The following DOK6 variants were observed in gnomAD, a reference collection of about 807,000 sequenced individuals.
The protein encoded by DOK6 is downstream of tyrosine kinase 6.
In DOK6, 22 loss-of-function variants were observed where a neutral mutation model predicts 44.0. The ratio of observed to expected loss-of-function variants is 0.50; its 90% CI spans 0.36 to 0.71. DOK6 has a LOEUF of 0.71. Ranked by LOEUF, DOK6 falls within the 30% of genes least tolerant of loss-of-function variation. The pLI is 0.00. For missense variants in DOK6, 340 were observed against 416.4 expected, an observed-to-expected ratio of 0.82 and a Z score of 1.60; for synonymous variants, 166 against 145.5, an observed-to-expected ratio of 1.14 and a Z score of -1.01.
chr18:69,594,622 C>A (rs766632227), intron 2 of DOK6, among the ~76,000 whole-genome samples: 1 of 150,398 alleles, frequency 6.6e-6, no homozygotes, highest in Non-Finnish European at 1.5e-5. Flanking sequence ...AAATAAAAGG[C>A]ATCCAGATTG....
chr18:69,480,534 T>G (rs1480573217), intron 1 of DOK6, among the ~76,000 whole-genome samples: 1 of 152,208 alleles, frequency 6.6e-6, no homozygotes, highest in Non-Finnish European at 1.5e-5. Context: ...TAGTCTCTTC[T>G]GTAATTAATA....
intron 1 of DOK6, among the ~76,000 whole-genome samples, chr18:69,484,250 G>C (rs975504915): frequency 1.3e-5 from 2 of 150,714 alleles, no homozygotes; most frequent in African/African-American, 2.5e-5. Context: ...TATGTAATAC[G>C]TATATGTCTT....
intron 1 of DOK6, chr18:69,532,881 A>C (rs545229793): frequency 2.0e-5 from 3 of 152,306 alleles, no homozygotes; most frequent in African/African-American, 7.2e-5. Flanking sequence ...AAAGATATTT[A>C]TGGAAATAAA....
At chr18:69,487,378 T>A (rs1980613042) in intron 1 of DOK6, among the ~76,000 whole-genome samples, 1 of 152,056 alleles carries the variant, frequency 6.6e-6, no homozygotes, top group African/African-American at 2.4e-5. Flanking sequence ...ATTTCTAGAT[T>A]TGAGGAGGTC....
intron 1 of DOK6, among the ~76,000 whole-genome samples, chr18:69,496,364 G>A (rs944114009): frequency 6.6e-6 from 1 of 152,254 alleles, no homozygotes; most frequent in Non-Finnish European, 1.5e-5. Context: ...CGGAAGGGGC[G>A]GGGCTCCCAC....
chr18:69,612,399 T>TTGTGTGCCAGGGCGCA (rs1984164835), intron 3 of DOK6, among the ~76,000 whole-genome samples: 1 of 62,414 alleles, frequency 1.6e-5, no homozygotes, highest in South Asian at 5.6e-4. Flanking sequence ...CGAAGAGACT[T>TTGTGTGCCAGGGCGCA]TGTGTGCGAG....
intron 5 of DOK6, among the ~76,000 whole-genome samples, chr18:69,703,206 T>C (rs1027391985): frequency 2.6e-5 from 4 of 152,232 alleles, no homozygotes; most frequent in Non-Finnish European, 5.9e-5. Context: ...TTTTAAAACA[T>C]TGAAAACATC....
At chr18:69,549,870 AT>A (rs33984742) in intron 1 of DOK6, among the ~76,000 whole-genome samples, 2,098 of 143,118 alleles carry the variant, frequency 0.015, 46 homozygotes, top group African/African-American at 0.045. Flanking sequence ...AGAGTTTTTA[AT>A]TTTTTTTTTT....
chr18:69,473,698 A>G (rs972565038), intron 1 of DOK6, among the ~76,000 whole-genome samples: 4 of 152,216 alleles, frequency 2.6e-5, no homozygotes, highest in East Asian at 3.8e-4. Context: ...CAGTGTTACA[A>G]TGTTGCTGAG....
At chr18:69,516,545 A>G (rs1981528385) in intron 1 of DOK6, among the ~76,000 whole-genome samples, 1 of 152,220 alleles carries the variant, frequency 6.6e-6, no homozygotes. Flanking sequence ...AAAATGTACT[A>G]GGCAAACATT....
chr18:69,669,670 A>AC lies in DOK6; in HGVS notation c.290-8057dup, dbSNP rs558754461. 1.0e-4 allele frequency among the ~76,000 whole-genome samples: 15 copies of AC among 149,470 alleles called. 1 individual carries two copies. In the South Asian group the frequency reaches 1.5e-3, roughly 15 times the overall value. On this transcript the variant is annotated intron_variant, in intron 3 of 7. Coordinates refer to ENST00000382713, the MANE Select transcript of DOK6 (RefSeq NM_152721.6). ...AACTCTCCCTCGGACCCCTTCCCGC[A>AC]CCCCCCCGCCGACCCTCCTGGCTCT...
intron 1 of DOK6, among the ~76,000 whole-genome samples, chr18:69,487,465 A>G (rs1193111552): frequency 6.6e-6 from 1 of 152,038 alleles, no homozygotes; most frequent in Non-Finnish European, 1.5e-5. Flanking sequence ...AAGGAATCTG[A>G]TCTCTGGTTT....
At chr18:69,814,075 C>T (rs1037240329) in intron 7 of DOK6, among the ~76,000 whole-genome samples, 3 of 148,882 alleles carry the variant, frequency 2.0e-5, no homozygotes, top group Non-Finnish European at 4.4e-5. Context: ...AGGTGTCTGA[C>T]CCAGGGAGGG....
intron 3 of DOK6, among the ~76,000 whole-genome samples, chr18:69,677,009 T>G (rs1378596418): frequency 6.6e-6 from 1 of 152,168 alleles, no homozygotes; most frequent in East Asian, 1.9e-4. Flanking sequence ...CTTAGGTAAT[T>G]GGAATTTTCC....
At chr18:69,704,092 C>T (rs922006246) in intron 5 of DOK6, among the ~76,000 whole-genome samples, 1 of 152,134 alleles carries the variant, frequency 6.6e-6, no homozygotes. Flanking sequence ...AATTAATTTC[C>T]GTTGTTTAAG....
At chr18:69,675,213 G>A (rs1985892905) in intron 3 of DOK6, among the ~76,000 whole-genome samples, 1 of 152,094 alleles carries the variant, frequency 6.6e-6, no homozygotes, top group Non-Finnish European at 1.5e-5. Flanking sequence ...CAGTTTCATA[G>A]AAGCCTTTTA....
chr18:69,551,636 T>A (rs1213879263), intron 1 of DOK6, among the ~76,000 whole-genome samples: 1 of 152,166 alleles, frequency 6.6e-6, no homozygotes, highest in East Asian at 1.9e-4. Context: ...AAAACACATA[T>A]ATAGATTAGA....
At chr18:69,402,196 C>G (rs1039584108) in intron 1 of DOK6, among the ~76,000 whole-genome samples, 1 of 152,028 alleles carries the variant, frequency 6.6e-6, no homozygotes, top group Non-Finnish European at 1.5e-5. Context: ...CTGACCCCGG[C>G]TGGCTGGTCC....
At chr18:69,775,554 T>G (rs1196716266) in intron 7 of DOK6, among the ~76,000 whole-genome samples, 4 of 151,546 alleles carry the variant, frequency 2.6e-5, no homozygotes, top group African/African-American at 9.7e-5. Flanking sequence ...TAAATACATC[T>G]AAACAAGTAA....
Sources: allele counts gnomAD v4.1 joint callset (sites outside exome capture counted in the v4.1 genomes callset), GRCh38; gene constraint gnomAD v4.1.1; transcripts MANE v1.5; gene names NCBI Gene and HGNC (gene_info 2026-07-23, HGNC 2026-07-21).